RIPK1: variants seen among roughly 807,000 people sequenced by gnomAD.
RIPK1 encodes receptor interacting serine/threonine kinase 1.
In RIPK1, 27 loss-of-function variants were observed where a neutral mutation model predicts 62.4. The observed-to-expected ratio is 0.43, with a 90% CI of 0.32 to 0.60. The LOEUF is 0.60. Ranked by LOEUF, RIPK1 falls within the 20% of genes least tolerant of loss-of-function variation. The pLI, the probability that RIPK1 is intolerant of heterozygous loss-of-function variation, is 0.07. For synonymous variants in RIPK1, 287 were observed against 303.2 expected (o/e 0.95, Z 0.55); for missense variants, 735 against 831.0 (o/e 0.88, Z 1.42).
intron 4 of RIPK1, among the ~76,000 whole-genome samples, chr6:3,081,340 G>C (rs758512818): frequency 6.6e-6 from 1 of 152,206 alleles, no homozygotes; most frequent in Non-Finnish European, 1.5e-5. Context: ...TGGGGGAGGA[G>C]TGGAGTTGAA....
At chr6:3,093,988 G>GCCCA (rs1760119819) in intron 7 of RIPK1, among the ~76,000 whole-genome samples, 1 of 86,414 alleles carries the variant, frequency 1.2e-5, no homozygotes, top group African/African-American at 4.1e-5. Flanking sequence ...ACTGCAGAGC[G>GCCCA]CCTACCTGCC....
chr6:3,069,731 G>C (rs139065653), intron 1 of RIPK1, among the ~76,000 whole-genome samples: 47 of 152,344 alleles, frequency 3.1e-4, no homozygotes, highest in Non-Finnish European at 5.9e-4. Flanking sequence ...GGAATACTGC[G>C]TCGGGCACGG....
intron 5 of RIPK1, among the ~76,000 whole-genome samples, chr6:3,084,223 C>A (rs1036061421): frequency 6.6e-6 from 1 of 152,200 alleles, no homozygotes; most frequent in African/African-American, 2.4e-5. Flanking sequence ...CCAAAATGGT[C>A]GTCCTAAAAG....
chr6:3,068,388 TCCGGGACTCAGACC>T (rs1481821379), upstream of RIPK1: 2 of 985,374 alleles, frequency 2.0e-6, no homozygotes, highest in East Asian at 1.1e-4. Context: ...GCAAGAGAGC[TCCGGGACTCAGACC>T]CCGGGCGCGA....
intron 7 of RIPK1, among the ~76,000 whole-genome samples, chr6:3,096,786 C>T (rs1220380314): frequency 6.6e-6 from 1 of 151,498 alleles, no homozygotes; most frequent in African/African-American, 2.4e-5. Flanking sequence ...GTCTCGATCT[C>T]CCGACCTCGT....
At chr6:3,076,424 T>C (rs114700385) in intron 1 of RIPK1, among the ~76,000 whole-genome samples, 2,204 of 152,074 alleles carry the variant, frequency 0.014, 20 homozygotes, top group Middle Eastern at 0.027. Flanking sequence ...TCTCAGCACT[T>C]TGGGAGGCTG....
At chr6:3,089,690 C>T (rs1422489131) in intron 7 of RIPK1, 33 bp downstream of exon 7, 8 of 1,142,672 alleles carry the variant, frequency 7.0e-6, no homozygotes, top group Admixed American at 6.1e-5. Flanking sequence ...AAAATATTAA[C>T]ATAGCAAAAT....
intron 1 of RIPK1, among the ~76,000 whole-genome samples, chr6:3,071,654 A>G (rs1405120075): frequency 1.3e-5 from 2 of 152,210 alleles, no homozygotes; most frequent in Non-Finnish European, 1.5e-5. Context: ...AGGGGTGGAT[A>G]GGAAAAACAA....
intron 9 of RIPK1, 128 bp downstream of exon 9, chr6:3,106,179 A>C (rs1760841091): frequency 2.8e-6 from 2 of 724,126 alleles, no homozygotes; most frequent in Non-Finnish European, 4.5e-6. Context: ...GCCAGATGCA[A>C]ATTGCCCCTG....
chr6:3,080,837 C>T (rs993960304), intron 3 of RIPK1, 142 bp from the exon 4 acceptor site: 4 of 506,916 alleles, frequency 7.9e-6, no homozygotes, highest in Non-Finnish European at 1.0e-5. Flanking sequence ...TTCCCAGTGA[C>T]AGCAGTACTG....
Position 3,076,808 on chromosome 6 carries a change from G to A in RIPK1, c.-16G>A, listed in dbSNP as rs115022632. ...GGGAAAAAGTGGTACCATTTTGGGC[G>A]TTCTTGAGCTTCAGAATGCAACCAG... On this transcript the variant is annotated 5_prime_UTR_variant, in exon 2 of 11. Coordinates refer to ENST00000259808, the MANE Select transcript of RIPK1 (RefSeq NM_001354930.2). 1.1e-3 allele frequency: 1,791 copies of A among 1,611,324 alleles called. 18 individuals are homozygous for A. The African/African-American group carries it at 0.021, about 19-fold the overall frequency.
rs113722101 is a variant in RIPK1, at chr6:3,099,221, C to T, written c.916-5004C>T. On this transcript the variant is annotated intron_variant, in intron 7 of 10. Coordinates refer to ENST00000259808, the MANE Select transcript of RIPK1 (RefSeq NM_001354930.2). ...TTGTGTTTAGCAAAGGATTAATATCCAGGATATTTAATAGAGTGCCTACAA... is the reference window on the plus strand; with the variant it reads ...TTGTGTTTAGCAAAGGATTAATATCTAGGATATTTAATAGAGTGCCTACAA... Among the ~76,000 whole-genome samples, 804 of 152,218 alleles carry T rather than the reference C, an allele frequency of 5.3e-3. 7 individuals are homozygous for T. Among genetic ancestry groups the T allele is most frequent in the African/African-American group, 0.019 (787 of 41,534 alleles).
At chr6:3,077,028 G>C (rs369557416) in intron 2 of RIPK1, 41 bp downstream of exon 2, 1 of 1,540,006 alleles carries the variant, frequency 6.5e-7, no homozygotes, top group South Asian at 1.2e-5. Context: ...GTTCTGAGCG[G>C]GATGGGGACG....
chr6:3,082,509 T>C (rs1486999842), intron 4 of RIPK1, among the ~76,000 whole-genome samples: 2 of 152,200 alleles, frequency 1.3e-5, no homozygotes, highest in Non-Finnish European at 2.9e-5. Context: ...TGCTTTTTTG[T>C]CTGTTTTTCT....
At chr6:3,107,384 G>A (rs796123636) in intron 9 of RIPK1, among the ~76,000 whole-genome samples, 17 of 141,620 alleles carry the variant, frequency 1.2e-4, no homozygotes, top group African/African-American at 4.0e-4. Context: ...GTGAAACCCC[G>A]TCTCTACTAA....
In RIPK1 at chr6:3,083,107, C is replaced by T. The variant is rs1759492097; in HGVS notation, c.482C>T (p.Ser161Phe). Reference sequence around the variant, plus strand: ...CAGATCGCAGACCTCGGCCTTGCCTCCTTTAAGATGTGGAGCAAACTGAAT... The same window carrying T: ...CAGATCGCAGACCTCGGCCTTGCCTTCTTTAAGATGTGGAGCAAACTGAAT... ...HIKIADLGLA[S>F]FKMWSKLNNE... Residue 161 changes from serine to phenylalanine, a missense_variant, in exon 5 of 11, where the codon TCC (serine) becomes TTC (phenylalanine). By Grantham distance (155) the Ser-to-Phe change is radical. Coordinates refer to ENST00000259808, the MANE Select transcript of RIPK1 (RefSeq NM_001354930.2). 6.2e-7 allele frequency: 1 copy of T among 1,613,874 alleles called. No individual in the cohort carries two copies. The highest frequency in any genetic ancestry group is 8.5e-7 in the Non-Finnish European group (1 of 1,179,906).
intron 3 of RIPK1, among the ~76,000 whole-genome samples, 180 bp from the exon 4 acceptor site, chr6:3,080,799 G>GCCCCC (rs3830793): frequency 1.4e-5 from 2 of 147,124 alleles, no homozygotes; most frequent in African/African-American, 5.0e-5. Context: ...AATACCCTCT[G>GCCCCC]CCCCCCCCCG....
upstream of RIPK1, among the ~76,000 whole-genome samples, chr6:3,065,601 G>A (rs922745401): frequency 6.6e-6 from 1 of 151,890 alleles, no homozygotes; most frequent in African/African-American, 2.4e-5. Context: ...AGGAGTCAGG[G>A]TCTCATTTCC....
chr6:3,066,843 G>A (rs1369751262), upstream of RIPK1, among the ~76,000 whole-genome samples: 8 of 152,152 alleles, frequency 5.3e-5, no homozygotes, highest in Non-Finnish European at 1.0e-4. Context: ...ACCCAACCCT[G>A]TAACGTCAGA....
Sources: allele counts gnomAD v4.1 joint callset (sites outside exome capture counted in the v4.1 genomes callset), GRCh38; gene constraint gnomAD v4.1.1; transcripts MANE v1.5; gene names NCBI Gene and HGNC (gene_info 2026-07-23, HGNC 2026-07-21).